Variants in MRI1 observed in about 807,000 individuals in gnomAD.
The protein encoded by MRI1 is methylthioribose-1-phosphate isomerase.
In MRI1, 32 loss-of-function variants were observed where a neutral mutation model predicts 27.3. The observed-to-expected ratio is 1.17, with a 90% CI of 0.88 to 1.57. The LOEUF (loss-of-function observed/expected upper bound fraction) is 1.57. Among genes scored for constraint, MRI1 ranks in the 40% most tolerant of loss-of-function variants. MRI1 has a pLI of 0.00. For missense variants in MRI1, 508 were observed against 516.1 expected (o/e 0.98, Z 0.15); for synonymous variants, 216 against 227.4 (o/e 0.95, Z 0.45).
intron 5 of MRI1, among the ~76,000 whole-genome samples, chr19:13,771,112 C>T (rs1192861500): frequency 4.0e-5 from 6 of 151,372 alleles, no homozygotes; most frequent in African/African-American, 7.3e-5. Flanking sequence ...AACCCCAGCA[C>T]TTTGGGAGGC....
At chr19:13,768,090 G>A (rs888148344) in intron 3 of MRI1, among the ~76,000 whole-genome samples, 2 of 151,644 alleles carry the variant, frequency 1.3e-5, no homozygotes, top group African/African-American at 4.9e-5. Context: ...GGATGGTCTC[G>A]ATCTCCTGAC....
intron 3 of MRI1, 56 bp downstream of exon 3, chr19:13,766,185 C>T: frequency 6.9e-7 from 1 of 1,451,972 alleles, no homozygotes; most frequent in Non-Finnish European, 9.2e-7. Flanking sequence ...TTTTTAGATA[C>T]AAGAGAAAGA....
chr19:13,773,572 T>C lies in MRI1; in HGVS notation c.*1291T>C, dbSNP rs1974316054. On this transcript the variant is annotated 3_prime_UTR_variant, in exon 6 of 6. Coordinates refer to ENST00000040663, the MANE Select transcript of MRI1 (RefSeq NM_001031727.4). ...TGAGCCCAGGAGTTCAAGGATGCAG[T>C]GTGCTTTGATTGCACTACTGCACTT... 6.5e-6 allele frequency: 1 copy of C among 153,512 alleles called. No homozygotes were observed. The highest frequency in any genetic ancestry group is 2.4e-5 in the African/African-American group (1 of 41,330). 9.5% of individuals were successfully genotyped at this position (153,512 alleles called of 1,614,324 possible).
At chr19:13,771,326 C>T (rs1974264542) in intron 5 of MRI1, among the ~76,000 whole-genome samples, 1 of 147,908 alleles carries the variant, frequency 6.8e-6, no homozygotes, top group Non-Finnish European at 1.5e-5. Context: ...GAGATCATGT[C>T]ACTGCACTCC....
intron 2 of MRI1, 97 bp from the exon 3 acceptor site, chr19:13,765,857 C>T: frequency 7.4e-7 from 1 of 1,358,128 alleles, no homozygotes. Context: ...AGGCTTTGAG[C>T]AGGAGGGCTC....
At position 13,772,341 on chromosome 19, in the gene MRI1, A is replaced by C. The variant is rs1240372933; in HGVS notation, c.*60A>C. On this transcript the variant is annotated 3_prime_UTR_variant, in exon 6 of 6. Transcript: ENST00000040663. Reference sequence around the variant, plus strand: ...TTTTCAATACATTTCTTGAATGGCTACCCAAAAGCTGACCGTCCAGCCCCT... The same window carrying C: ...TTTTCAATACATTTCTTGAATGGCTCCCCAAAAGCTGACCGTCCAGCCCCT... 1.2e-5 allele frequency: 19 copies of C among 1,533,316 alleles called. No individual in the cohort carries two copies. Among genetic ancestry groups the C allele is most frequent in the Non-Finnish European group, 1.7e-5 (19 of 1,126,710 alleles). 95.0% of individuals were successfully genotyped at this position (1,533,316 alleles called of 1,614,324 possible). A position where few individuals can be genotyped will look rare whatever the true frequency, so the allele number is the denominator to read the frequency against.
chr19:13,770,399 A>AC (rs1298331765), intron 5 of MRI1, among the ~76,000 whole-genome samples: 2 of 152,016 alleles, frequency 1.3e-5, no homozygotes, highest in Non-Finnish European at 2.9e-5. Flanking sequence ...AGCCTAGCCA[A>AC]CAGAGCGAAA....
At chr19:13,764,825 T>A in intron 1 of MRI1, 46 bp from the exon 2 acceptor site, 1 of 1,266,206 alleles carries the variant, frequency 7.9e-7, no homozygotes. Context: ...GAGGTGGGAG[T>A]GCGCCCGCGC....
In MRI1 at chr19:13,768,896, C is replaced by A. The variant is rs1296147178; in HGVS notation, c.797C>A (p.Ala266Asp). Residue 266 changes from alanine to aspartate, a missense_variant, in exon 5 of 6, where the codon GCC becomes GAC. Ala to Asp is a moderately radical substitution (Grantham distance 126). Transcript: ENST00000040663. ...AACAAGGTGGGCACCTACCAGCTGG[C>A]CATTGTCGCCAAGCACCATGGCATT... ...TANKVGTYQLAIVAKHHGIPF... is the reference protein window; with the variant it reads ...TANKVGTYQLDIVAKHHGIPF... The A allele has an allele frequency of 6.2e-7, 1 of 1,613,922 alleles. No homozygotes were observed. Among genetic ancestry groups the A allele is most frequent in the African/African-American group, 1.3e-5 (1 of 74,948 alleles).
rs1128030 is a variant in MRI1 at position 13,773,910 on chromosome 19, G to C, written c.*1629G>C. ...GGGTGATCCGCGCCCCGCGGCCTCC[G>C]AAAGTGCTGGGATTACAAGCGTGAG... On this transcript the variant is annotated 3_prime_UTR_variant, in exon 6 of 6. Transcript: ENST00000040663. The C allele has an allele frequency of 0.35, 53,867 of 152,246 alleles. 10,969 individuals are homozygous for C. The highest frequency in any genetic ancestry group is 0.55 in the African/African-American group (22,822 of 41,488). The allele number at this position is 152,246 out of a possible 1,614,324, so 9.4% of individuals were successfully genotyped here.
At chr19:13,765,767 G>A (rs1215203620) in intron 2 of MRI1, among the ~76,000 whole-genome samples, 187 bp from the exon 3 acceptor site, 1 of 152,224 alleles carries the variant, frequency 6.6e-6, no homozygotes, top group African/African-American at 2.4e-5. Flanking sequence ...GGAACTGCTT[G>A]GTAAACATGT....
At chr19:13,764,800 G>A in intron 1 of MRI1, 71 bp from the exon 2 acceptor site, 1 of 1,146,386 alleles carries the variant, frequency 8.7e-7, no homozygotes, top group Non-Finnish European at 1.1e-6. Flanking sequence ...GCGGGGCGGC[G>A]GGGCGGCCGG....
In MRI1 at chr19:13,766,044, G is replaced by T; in HGVS notation, c.462G>T (p.Arg154=). 1 of 1,613,144 alleles carries T rather than the reference G, an allele frequency of 6.2e-7. No homozygotes were observed. The highest frequency in any genetic ancestry group is 8.5e-7 in the Non-Finnish European group (1 of 1,179,836). ...TAGGAGCCCGCCACCTCCTGGAGCG[G>T]GTGGCCCCCAGCGGTGGCAAGGTGA... The part of the protein sequence containing the change: ...GDLGARHLLE[R]VAPSGGKVTV... Residue 154 remains arginine, a synonymous_variant, in exon 3 of 6, where the codon CGG becomes CGT. Transcript: ENST00000040663.
intron 5 of MRI1, among the ~76,000 whole-genome samples, chr19:13,769,368 G>T (rs171118): frequency 0.52 from 79,503 of 151,624 alleles, 23,077 homozygotes; most frequent in African/African-American, 0.79. Flanking sequence ...TTCAACATGT[G>T]GACCAGGCTA....
At chr19:13,770,323 G>A (rs968597539) in intron 5 of MRI1, among the ~76,000 whole-genome samples, 6 of 152,138 alleles carry the variant, frequency 3.9e-5, no homozygotes, top group African/African-American at 7.2e-5. Flanking sequence ...CGTGGCTCAC[G>A]CCTATAATCC....
chr19:13,764,617 G>A lies in MRI1; in HGVS notation c.29G>A (p.Arg10Gln). ...ACCCTGGAGGCGATCCGCTACTCGC[G>A]GGGCTCCCTGCAGATCCTAGACCAG... MTLEAIRYSRGSLQILDQLL... is the reference protein window; with the variant it reads MTLEAIRYSQGSLQILDQLL... The change falls in exon 1 of 6, where the codon CGG becomes CAG. Residue 10 changes from arginine (R) to glutamine (Q), a missense_variant. Arg to Gln is a conservative substitution (Grantham distance 43). Around this residue, in one of 3 missense-constraint regions of MRI1, gnomAD observed 32 missense variants for 20.2 expected, o/e 1.58. Coordinates refer to ENST00000040663, the MANE Select transcript of MRI1 (RefSeq NM_001031727.4). The A allele has an allele frequency of 6.2e-7, 1 of 1,609,648 alleles. No homozygotes were observed.
Position 13,766,091 on chromosome 19 carries a change from C to T in MRI1, c.509C>T (p.Thr170Ile). ...GTGACTGTGCTGACCCACTGTAACA[C>T]TGGTGCTCTGGCCACCGCTGGCTAT... The part of the protein sequence containing the change: ...GKVTVLTHCN[T>I]GALATAGYGT... Residue 170 changes from threonine to isoleucine, a missense_variant, in exon 3 of 6, where the codon ACT becomes ATT. This residue lies in a region of MRI1 where 457 missense variants were observed against 452.8 expected (regional missense o/e 1.01). Transcript: ENST00000040663. The T allele has an allele frequency of 6.2e-7, 1 of 1,606,894 alleles. No individual in the cohort carries two copies. The highest frequency in any genetic ancestry group is 8.5e-7 in the Non-Finnish European group (1 of 1,175,786).
Position 13,764,976 on chromosome 19 carries a change from C to T in MRI1, c.238C>T (p.Arg80Cys). The T allele has an allele frequency of 2.0e-6, 3 of 1,517,582 alleles. No individual in the cohort carries two copies. Among genetic ancestry groups the T allele is most frequent in the Non-Finnish European group, 1.8e-6 (2 of 1,138,972 alleles). 94.0% of individuals were successfully genotyped at this position (1,517,582 alleles called of 1,614,324 possible). A position where few individuals can be genotyped will look rare whatever the true frequency, so the allele number is the denominator to read the frequency against. The change falls in exon 2 of 6, where the codon CGC (arginine) becomes TGC (cysteine). Residue 80 changes from arginine (R) to cysteine (C), a missense_variant. By Grantham distance (180) the Arg-to-Cys change is radical. Around this residue, in one of 3 missense-constraint regions of MRI1, gnomAD observed 457 missense variants for 452.8 expected, o/e 1.01. Coordinates refer to ENST00000040663, the MANE Select transcript of MRI1 (RefSeq NM_001031727.4). Reference sequence around the variant, plus strand: ...ACTCGCCGCGCTCGTGGCCTTCGTGCGCGACAAGCTGAGCTTCCTCGTCAC... The same window carrying T: ...ACTCGCCGCGCTCGTGGCCTTCGTGTGCGACAAGCTGAGCTTCCTCGTCAC... ...PGLAALVAFVRDKLSFLVTAR... is the reference protein window; with the variant it reads ...PGLAALVAFVCDKLSFLVTAR...
Position 13,772,240 on chromosome 19 carries a change from A to G in MRI1, c.1069A>G (p.Ile357Val). Residue 357 changes from isoleucine to valine, a missense_variant, in exon 6 of 6, where the codon ATC (isoleucine) becomes GTC (valine). Ile to Val is a conservative substitution (Grantham distance 29, BLOSUM62 3). Transcript: ENST00000040663. The part of the protein sequence containing the change: ...EELRTALTTT[I>V]SSRDGTLDGP... Reference sequence around the variant, plus strand: ...GCTCCGGACAGCCCTAACCACCACCATCTCTTCCAGGGATGGAACCCTAGA... The same window carrying G: ...GCTCCGGACAGCCCTAACCACCACCGTCTCTTCCAGGGATGGAACCCTAGA... The G allele has an allele frequency of 6.2e-7, 1 of 1,613,872 alleles. No homozygotes were observed. Among genetic ancestry groups the G allele is most frequent in the East Asian group, 2.2e-5 (1 of 44,860 alleles).
Sources: gnomAD v4.1 joint callset for allele counts (sites outside exome capture counted in the v4.1 genomes callset) on GRCh38, gnomAD v4.1.1 for gene constraint, gnomAD v4.1.1 regional missense constraint, MANE v1.5 for transcripts, NCBI Gene and HGNC (gene_info 2026-07-23, HGNC 2026-07-21) for gene names.